The following RELL1 variants were observed in gnomAD, a reference collection of about 807,000 sequenced individuals.
The protein encoded by RELL1 is RELT like 1, also known as RELT-like protein 1.
RELL1 carries 10 observed loss-of-function variants against 23.0 expected under a neutral mutation model. The ratio of observed to expected loss-of-function variants is 0.43; its 90% confidence interval spans 0.27 to 0.74. The LOEUF is 0.74. Ranked by LOEUF, RELL1 falls within the 30% of genes least tolerant of loss-of-function variation. The pLI is 0.19. For missense variants in RELL1, 315 were observed against 364.4 expected, an observed-to-expected ratio of 0.86 and a Z score of 1.10; for synonymous variants, 146 against 146.8, an observed-to-expected ratio of 0.99 and a Z score of 0.04.
chr4:37,671,842 C>A (rs1487335100), intron 1 of RELL1, among the ~76,000 whole-genome samples: 1 of 152,178 alleles, frequency 6.6e-6, no homozygotes, highest in Non-Finnish European at 1.5e-5. Context: ...GGTCCAAGAA[C>A]CCTCTTCTGG....
intron 6 of RELL1, among the ~76,000 whole-genome samples, chr4:37,592,546 C>A (rs1718672222): frequency 6.6e-6 from 1 of 152,110 alleles, no homozygotes; most frequent in Non-Finnish European, 1.5e-5. Context: ...CAAGGACAAC[C>A]ATTCTAACGT....
intron 1 of RELL1, among the ~76,000 whole-genome samples, chr4:37,685,864 G>C (rs1382415626): frequency 6.6e-6 from 1 of 152,266 alleles, no homozygotes; most frequent in Non-Finnish European, 1.5e-5. Flanking sequence ...ACGGGTCCGC[G>C]GGGTTCCGAG....
intron 1 of RELL1, among the ~76,000 whole-genome samples, chr4:37,654,963 A>G (rs998925702): frequency 1.3e-5 from 2 of 152,192 alleles, no homozygotes; most frequent in African/African-American, 4.8e-5. Context: ...TTATCTTTAT[A>G]CTTTTCTATA....
At chr4:37,664,446 G>C (rs1455331656) in intron 1 of RELL1, among the ~76,000 whole-genome samples, 1 of 151,376 alleles carries the variant, frequency 6.6e-6, no homozygotes. Context: ...AAAAGTAAAA[G>C]ACCTTTCTCT....
rs77224618 is a variant in RELL1, at chr4:37,666,322, G to A, written c.89-16822C>T. Among the ~76,000 whole-genome samples the A allele has an allele frequency of 4.8e-3, 729 of 152,348 alleles. 6 individuals are homozygous for A. The highest frequency in any genetic ancestry group is 8.2e-3 in the Non-Finnish European group (556 of 68,034). Reference sequence around the variant, plus strand: ...ACTCTGAAGCAAGACTACTCCCTATGAAGCATGGAAGCAAAAGCAGAAACT... The same window carrying A: ...ACTCTGAAGCAAGACTACTCCCTATAAAGCATGGAAGCAAAAGCAGAAACT... On this transcript the variant is annotated intron_variant, in intron 1 of 6. Coordinates refer to ENST00000454158, the MANE Select transcript of RELL1 (RefSeq NM_001085400.2).
chr4:37,673,562 T>C (rs1248758660), intron 1 of RELL1, among the ~76,000 whole-genome samples: 2 of 152,168 alleles, frequency 1.3e-5, no homozygotes, highest in African/African-American at 2.4e-5. Flanking sequence ...AAAAATTGTT[T>C]CTATCTGCAT....
At chr4:37,668,201 A>ACCCCCCCCCCCCCCCCCCCC (rs532626099) in intron 1 of RELL1, among the ~76,000 whole-genome samples, 1 of 143,918 alleles carries the variant, frequency 6.9e-6, no homozygotes, top group African/African-American at 2.6e-5. Context: ...AAAAAAAGGA[A>ACCCCCCCCCCCCCCCCCCCC]CCCCCTCCCC....
intron 6 of RELL1, chr4:37,622,808 T>G (rs1399960825): frequency 2.2e-6 from 1 of 450,478 alleles, no homozygotes; most frequent in African/African-American, 2.0e-5. Flanking sequence ...GCTTTTTTTT[T>G]TTTTTTTTTT....
At chr4:37,681,602 C>T (rs1314981931) in intron 1 of RELL1, among the ~76,000 whole-genome samples, 1 of 141,150 alleles carries the variant, frequency 7.1e-6, no homozygotes, top group Non-Finnish European at 1.5e-5. Context: ...GATCTCAGCT[C>T]ACTGCAACCT....
Position 37,629,954 on chromosome 4 carries a change from C to G in RELL1, c.*3+1431G>C, listed in dbSNP as rs369301450. Among the ~76,000 whole-genome samples, 89 of 152,274 alleles carry G rather than the reference C, an allele frequency of 5.8e-4. 2 individuals are homozygous for G. The South Asian group carries it at 0.016, about 28-fold the overall frequency. ...ACTTCATGGAAATCTCACTCCCGCC[C>G]CTGAGGCAAAGAGCACCACTTCCAA... On this transcript the variant is annotated intron_variant, in intron 6 of 6. Transcript: ENST00000454158.
intron 1 of RELL1, among the ~76,000 whole-genome samples, chr4:37,685,598 A>T (rs1056147428): frequency 3.3e-5 from 5 of 152,226 alleles, no homozygotes; most frequent in African/African-American, 9.6e-5. Flanking sequence ...AAAAAATGTA[A>T]GTTTACCAAC....
intron 6 of RELL1, among the ~76,000 whole-genome samples, chr4:37,626,370 C>T (rs2135559): frequency 0.046 from 6,944 of 152,124 alleles, 263 homozygotes; most frequent in South Asian, 0.094. Context: ...CCCAGCTACT[C>T]AGGAGGCTGT....
chr4:37,621,195 G>A lies in RELL1; in HGVS notation c.*4-7853C>T, dbSNP rs932630302. Among the ~76,000 whole-genome samples, 7 of 152,272 alleles carry A rather than the reference G, an allele frequency of 4.6e-5. No homozygotes were observed. The South Asian group carries it at 1.5e-3, about 32-fold the overall frequency. ...AAATCGGCCAGGCGCGGTGGCTTAC[G>A]CCTGTAATCCCAGCACTTTCGGAGG... On this transcript the variant is annotated intron_variant, in intron 6 of 6. Coordinates refer to ENST00000454158, the MANE Select transcript of RELL1 (RefSeq NM_001085400.2).
chr4:37,675,480 G>C (rs1386187470), intron 1 of RELL1, among the ~76,000 whole-genome samples: 1 of 152,186 alleles, frequency 6.6e-6, no homozygotes, highest in Admixed American at 6.5e-5. Flanking sequence ...GTGGTTGCAA[G>C]AATTAAATTT....
At chr4:37,644,574 C>T (rs984214638) in intron 3 of RELL1, among the ~76,000 whole-genome samples, 2 of 151,550 alleles carry the variant, frequency 1.3e-5, no homozygotes, top group Non-Finnish European at 1.5e-5. Flanking sequence ...AAGTGATTCT[C>T]CTGCCTCAGC....
intron 1 of RELL1, among the ~76,000 whole-genome samples, chr4:37,668,408 G>T (rs1317523532): frequency 6.6e-6 from 1 of 152,166 alleles, no homozygotes; most frequent in Non-Finnish European, 1.5e-5. Flanking sequence ...GGTGGAGACG[G>T]GGTTTCGCTG....
downstream of RELL1, chr4:37,588,973 G>A (rs564971504): frequency 9.2e-5 from 98 of 1,070,356 alleles, no homozygotes; most frequent in Middle Eastern, 6.0e-4. Flanking sequence ...AAGACCATGC[G>A]TGTATTCAGT....
chr4:37,617,867 T>A (rs998077947), intron 6 of RELL1, among the ~76,000 whole-genome samples: 1 of 152,244 alleles, frequency 6.6e-6, no homozygotes, highest in Non-Finnish European at 1.5e-5. Context: ...AGTTGGGAAC[T>A]AGAATTCGAC....
At chr4:37,642,287 T>C (rs940012584) in intron 3 of RELL1, among the ~76,000 whole-genome samples, 4 of 152,208 alleles carry the variant, frequency 2.6e-5, no homozygotes, top group African/African-American at 9.7e-5. Flanking sequence ...CCAGAAGCAC[T>C]TGAGGACTAT....
Sources: gnomAD v4.1 joint callset for allele counts (sites outside exome capture counted in the v4.1 genomes callset) on GRCh38, gnomAD v4.1.1 for gene constraint, MANE v1.5 for transcripts, NCBI Gene and HGNC (gene_info 2026-07-23, HGNC 2026-07-21) for gene names.